The following FANCA variants were observed in gnomAD, a reference collection of about 807,000 sequenced individuals.
FANCA encodes FA complementation group A.
In FANCA, 236 loss-of-function variants were observed where a neutral mutation model predicts 194.3. The observed-to-expected ratio is 1.21, with a 90% CI of 1.09 to 1.35. FANCA has a LOEUF of 1.35. Among genes scored for constraint, FANCA ranks in the 40% most tolerant of loss-of-function variants. FANCA has a pLI of 0.00. For synonymous variants in FANCA, 1,014 were observed against 715.8 expected (o/e 1.42, Z -6.65); for missense variants, 2,628 against 1,813.9 (o/e 1.45, Z -8.15).
chr16:89,775,144 T>G (rs8046872), intron 21 of FANCA, among the ~76,000 whole-genome samples: 6 of 151,808 alleles, frequency 4.0e-5, no homozygotes, highest in African/African-American at 1.4e-4. Flanking sequence ...CTTCAGCTCA[T>G]AGCGGCTCCC....
intron 15 of FANCA, among the ~76,000 whole-genome samples, chr16:89,783,584 GA>G (rs2039797031): frequency 1.3e-5 from 2 of 150,926 alleles, no homozygotes; most frequent in African/African-American, 4.9e-5. Flanking sequence ...AAACACAATA[GA>G]AGGCTGCTTC....
chr16:89,803,344 G>T lies in FANCA; in HGVS notation c.710-3C>A, dbSNP rs1248821456. On this transcript the variant is annotated splice_polypyrimidine_tract_variant and splice_region_variant and intron_variant, in intron 7 of 42. Transcript: ENST00000389301. ...CAAAACAAACATTTGAACAAAATCT[G>T]AAAAACCATAAAACCAAAGTTATTT... 6.2e-7 allele frequency: 1 copy of T among 1,613,252 alleles called. No homozygotes were observed. Among genetic ancestry groups the T allele is most frequent in the Non-Finnish European group, 8.5e-7 (1 of 1,179,536 alleles).
chr16:89,788,537 C>A (rs2039968285), intron 14 of FANCA, among the ~76,000 whole-genome samples: 1 of 152,178 alleles, frequency 6.6e-6, no homozygotes, highest in South Asian at 2.1e-4. Context: ...GTGGCTCATG[C>A]CTGTAATTCC....
intron 10 of FANCA, chr16:89,798,336 C>T: frequency 9.7e-7 from 1 of 1,029,110 alleles, no homozygotes; most frequent in South Asian, 4.6e-5. Flanking sequence ...CCCAAGCTAA[C>T]TGATGCACAT....
chr16:89,775,715 G>T (rs1417138746), intron 21 of FANCA, 27 bp downstream of exon 21: 3 of 1,588,910 alleles, frequency 1.9e-6, no homozygotes, highest in African/African-American at 1.3e-5. Flanking sequence ...ACAAGTCCCA[G>T]AGTGGACAAG....
intron 27 of FANCA, among the ~76,000 whole-genome samples, chr16:89,765,275 C>T (rs1249383913): frequency 3.3e-5 from 5 of 151,958 alleles, no homozygotes; most frequent in African/African-American, 1.2e-4. Context: ...CAACACACAA[C>T]CCCACGTTTA....
intron 6 of FANCA, among the ~76,000 whole-genome samples, chr16:89,806,237 C>T (rs1410969380): frequency 6.6e-6 from 1 of 152,048 alleles, no homozygotes; most frequent in Admixed American, 6.6e-5. Flanking sequence ...ATGCTGTATC[C>T]TGGGGACTGT....
At position 89,739,282 on chromosome 16, in the gene FANCA, AGAG is replaced by A. The variant is rs2062060149; in HGVS notation, c.4015_4017del (p.Leu1339del). On this transcript the variant is annotated inframe_deletion, in exon 41 of 43. Coordinates refer to ENST00000389301, the MANE Select transcript of FANCA (RefSeq NM_000135.4). ...ATGGCCGCGTCTTCATGGAAGTAGG[AGAG>A]AAGACTAGAGGTAAAGACATAGTGA... is the stretch of plus-strand genomic sequence containing the variant. 1 of 1,614,144 alleles carries A rather than the reference AGAG, an allele frequency of 6.2e-7. No homozygotes were observed. Among genetic ancestry groups the A allele is most frequent in the East Asian group, 2.2e-5 (1 of 44,890 alleles).
intron 8 of FANCA, among the ~76,000 whole-genome samples, chr16:89,802,530 TG>T (rs1399545846): frequency 1.6e-4 from 24 of 152,166 alleles, no homozygotes; most frequent in African/African-American, 5.8e-4. Flanking sequence ...GCCTCCTGAG[TG>T]GCTGGGTCCA....
At chr16:89,797,045 A>C (rs1355171182) in intron 10 of FANCA, among the ~76,000 whole-genome samples, 1 of 152,180 alleles carries the variant, frequency 6.6e-6, no homozygotes, top group African/African-American at 2.4e-5. Context: ...CTGTAGTTCC[A>C]GCTACTCGGG....
chr16:89,739,604 T>C, intron 39 of FANCA, 51 bp from the exon 40 acceptor site: 3 of 1,540,950 alleles, frequency 1.9e-6, no homozygotes, highest in Non-Finnish European at 2.6e-6. Flanking sequence ...CTGCCTATTA[T>C]CAGTGCTGGG....
Position 89,783,052 on chromosome 16 carries a change from G to C in FANCA, c.1521C>G (p.Leu507=). 1.2e-6 allele frequency: 2 copies of C among 1,614,044 alleles called. No individual in the cohort carries two copies. Among genetic ancestry groups the C allele is most frequent in the Non-Finnish European group, 1.7e-6 (2 of 1,179,932 alleles). The change falls in exon 16 of 43, where the codon CTC becomes CTG. Residue 507 remains leucine (L), a synonymous_variant. Transcript: ENST00000389301. ...TCTTGGCCAATGAGATGTAGTCTGTGAGGAGGGAGCGGTACTTGCCGGGAA... is the reference window on the plus strand; with the variant it reads ...TCTTGGCCAATGAGATGTAGTCTGTCAGGAGGGAGCGGTACTTGCCGGGAA... ...PLVPGKYRSL[L]TDYISLAKTR... is the part of the protein sequence containing the mutation.
chr16:89,759,154 A>C (rs993262103), intron 29 of FANCA, among the ~76,000 whole-genome samples: 2 of 151,058 alleles, frequency 1.3e-5, no homozygotes, highest in African/African-American at 4.9e-5. Context: ...CCTCGTCTCT[A>C]CTCAAAATAC....
At chr16:89,759,922 C>A (rs1025670843) in intron 29 of FANCA, among the ~76,000 whole-genome samples, 1 of 152,026 alleles carries the variant, frequency 6.6e-6, no homozygotes, top group Non-Finnish European at 1.5e-5. Flanking sequence ...GCTCCACCCA[C>A]GCTGTGCGGG....
intron 30 of FANCA, among the ~76,000 whole-genome samples, chr16:89,758,048 G>C (rs1440390061): frequency 6.6e-6 from 1 of 151,924 alleles, no homozygotes; most frequent in Non-Finnish European, 1.5e-5. Flanking sequence ...TAGAGAGGGA[G>C]GTTTCACCAT....
chr16:89,791,692 G>T, intron 13 of FANCA, 156 bp from the exon 14 acceptor site: 1 of 1,139,688 alleles, frequency 8.8e-7, no homozygotes. Flanking sequence ...CATGTCAAGT[G>T]CAAACCACTA....
intron 3 of FANCA, among the ~76,000 whole-genome samples, chr16:89,812,904 G>A (rs1383323515): frequency 2.7e-5 from 4 of 150,406 alleles, no homozygotes; most frequent in African/African-American, 4.9e-5. Context: ...GCGGCGGCGG[G>A]CACCTATAAT....
In FANCA at chr16:89,782,889, C is replaced by G; in HGVS notation, c.1596G>C (p.Glu532Asp). The change falls in exon 17 of 43, where the codon GAG becomes GAC. Residue 532 changes from glutamate (E) to aspartate (D), a missense_variant. Coordinates refer to ENST00000389301, the MANE Select transcript of FANCA (RefSeq NM_000135.4). The part of the protein sequence containing the change: ...KVSIENMGLY[E>D]DLSSAGDITE... ...TAATGTCCCCAGCTGATGACAAATC[C>G]TCGTAGAGTCCCATGTTTTCTATAG... is the stretch of plus-strand genomic sequence containing the variant. 6.2e-7 allele frequency: 1 copy of G among 1,614,096 alleles called. No individual in the cohort carries two copies. Among genetic ancestry groups the G allele is most frequent in the Non-Finnish European group, 8.5e-7 (1 of 1,179,970 alleles).
intron 27 of FANCA, 40 bp downstream of exon 27, chr16:89,767,100 AC>A: frequency 6.7e-7 from 1 of 1,497,248 alleles, no homozygotes; most frequent in Non-Finnish European, 9.3e-7. Flanking sequence ...TAAACCTGAA[AC>A]GTATGGCAGA....
Sources: gnomAD v4.1 joint callset for allele counts (sites outside exome capture counted in the v4.1 genomes callset) on GRCh38, gnomAD v4.1.1 for gene constraint, MANE v1.5 for transcripts, NCBI Gene and HGNC (gene_info 2026-07-23, HGNC 2026-07-21) for gene names.